DCDC1: variants seen among roughly 807,000 people sequenced by gnomAD.
DCDC1 encodes doublecortin domain containing 1.
In DCDC1, 200 loss-of-function variants were observed where a neutral mutation model predicts 178.3. That is an observed-to-expected ratio of 1.12 (90% CI 1.00 to 1.26). The LOEUF (loss-of-function observed/expected upper bound fraction) is 1.26, where lower values mean the gene tolerates loss of function less well. Ranked by LOEUF, DCDC1 falls within the 50% of genes most tolerant of loss-of-function variation. DCDC1 has a pLI of 0.00. For missense variants in DCDC1, 1,983 were observed against 1,749.2 expected (o/e 1.13, Z -2.38); for synonymous variants, 690 against 604.8 (o/e 1.14, Z -2.07).
chr11:31,216,939 T>C (rs527746218), intron 9 of DCDC1, among the ~76,000 whole-genome samples: 4 of 152,358 alleles, frequency 2.6e-5, no homozygotes, highest in Admixed American at 2.6e-4. Flanking sequence ...ATCTTTATTT[T>C]AAAAATTAAT....
At chr11:31,063,200 A>C (rs1457204029) in intron 20 of DCDC1, among the ~76,000 whole-genome samples, 1 of 152,064 alleles carries the variant, frequency 6.6e-6, no homozygotes, top group East Asian at 1.9e-4. Context: ...GTCAGGAAAC[A>C]ACAGGTGCTG....
In DCDC1 at chr11:31,144,221, G is replaced by A. The variant is rs565268260; in HGVS notation, c.1222-6437C>T. The stretch of plus-strand genomic sequence containing the variant: ...ACAATCTTGGCTCACTGCAACCTCC[G>A]CCTCCCAGGTTAAAGTGATTCTCCT... On this transcript the variant is annotated intron_variant, in intron 9 of 38. Coordinates refer to ENST00000684477, the MANE Select transcript of DCDC1 (RefSeq NM_001387274.1). Among the ~76,000 whole-genome samples, 269 of 151,996 alleles carry A rather than the reference G, an allele frequency of 1.8e-3. 1 individual carries two copies. Among genetic ancestry groups the A allele is most frequent in the South Asian group, 0.01 (50 of 4,802 alleles).
intron 9 of DCDC1, among the ~76,000 whole-genome samples, chr11:31,158,291 T>C (rs1365070009): frequency 6.6e-6 from 1 of 151,710 alleles, no homozygotes; most frequent in Non-Finnish European, 1.5e-5. Context: ...TGCATTTTTT[T>C]TTTTTTTAGT....
At chr11:30,916,415 T>C (rs1055415817) in intron 26 of DCDC1, among the ~76,000 whole-genome samples, 3 of 152,202 alleles carry the variant, frequency 2.0e-5, no homozygotes, top group African/African-American at 7.2e-5. Context: ...GTCTAAAGAT[T>C]ATGAAATAAT....
intron 7 of DCDC1, among the ~76,000 whole-genome samples, chr11:31,271,922 G>A (rs1313597236): frequency 2.0e-5 from 3 of 152,094 alleles, no homozygotes; most frequent in Admixed American, 6.5e-5. Context: ...CAGCATTTTG[G>A]GAGGCCAAGG....
chr11:31,138,179 A>G (rs1963390771), intron 9 of DCDC1, among the ~76,000 whole-genome samples: 1 of 152,206 alleles, frequency 6.6e-6, no homozygotes, highest in Admixed American at 6.5e-5. Flanking sequence ...TGTCGGGATA[A>G]GAAGTCAATG....
intron 20 of DCDC1, among the ~76,000 whole-genome samples, chr11:31,059,593 C>T (rs1955801422): frequency 6.6e-6 from 1 of 151,946 alleles, no homozygotes; most frequent in Admixed American, 6.6e-5. Flanking sequence ...ATTATATTAA[C>T]ATTTACCTTT....
chr11:31,063,726 T>G (rs1956091997), intron 20 of DCDC1, among the ~76,000 whole-genome samples: 1 of 152,016 alleles, frequency 6.6e-6, no homozygotes, highest in Non-Finnish European at 1.5e-5. Flanking sequence ...AATAAATAAA[T>G]TAATTAATTA....
At chr11:31,313,677 A>C (rs1480179187) in intron 3 of DCDC1, among the ~76,000 whole-genome samples, 1 of 152,138 alleles carries the variant, frequency 6.6e-6, no homozygotes, top group African/African-American at 2.4e-5. Flanking sequence ...ACTGATACTA[A>C]ATTTAATTTA....
At chr11:31,231,706 C>T (rs1288030705) in intron 9 of DCDC1, among the ~76,000 whole-genome samples, 1 of 150,644 alleles carries the variant, frequency 6.6e-6, no homozygotes, top group African/African-American at 2.4e-5. Flanking sequence ...GGAGGGAACA[C>T]AAAAAAAAAT....
At chr11:31,004,785 T>G (rs542735157) in intron 20 of DCDC1, among the ~76,000 whole-genome samples, 1 of 152,116 alleles carries the variant, frequency 6.6e-6, no homozygotes, top group Admixed American at 6.5e-5. Context: ...AGTTTCTTAA[T>G]TTCCCTGTGC....
intron 8 of DCDC1, among the ~76,000 whole-genome samples, chr11:31,247,189 T>A (rs1943624737): frequency 6.6e-6 from 1 of 152,054 alleles, no homozygotes; most frequent in South Asian, 2.1e-4. Context: ...TTTTAATTGC[T>A]GATGTGTGGA....
chr11:31,235,007 G>T (rs1237960788), intron 9 of DCDC1, among the ~76,000 whole-genome samples: 1 of 152,028 alleles, frequency 6.6e-6, no homozygotes, highest in Non-Finnish European at 1.5e-5. Flanking sequence ...ACTTTGCCTG[G>T]ACAATTCTAT....
chr11:31,254,231 T>C (rs935498331), intron 8 of DCDC1, among the ~76,000 whole-genome samples: 8 of 152,150 alleles, frequency 5.3e-5, no homozygotes, highest in South Asian at 4.1e-4. Flanking sequence ...GGGCATCCCA[T>C]GTGTCACTGA....
chr11:31,011,207 A>C (rs1019249361), intron 20 of DCDC1, among the ~76,000 whole-genome samples: 2 of 152,112 alleles, frequency 1.3e-5, no homozygotes, highest in African/African-American at 4.8e-5. Flanking sequence ...CACACACACA[A>C]AAGTCTATTC....
chr11:30,921,020 A>C, intron 24 of DCDC1, 85 bp from the exon 25 acceptor site: 3 of 1,359,748 alleles, frequency 2.2e-6, no homozygotes, highest in Non-Finnish European at 3.0e-6. Flanking sequence ...TAAAATACAA[A>C]TGCAAAATAA....
intron 37 of DCDC1, among the ~76,000 whole-genome samples, chr11:30,880,006 A>T (rs12799544): frequency 0.015 from 2,238 of 152,284 alleles, 24 homozygotes; most frequent in Non-Finnish European, 0.023. Context: ...ATTGTATTGT[A>T]ATTATTTCAC....
intron 8 of DCDC1, among the ~76,000 whole-genome samples, chr11:31,254,321 G>T (rs1944271233): frequency 6.6e-6 from 1 of 152,160 alleles, no homozygotes; most frequent in African/African-American, 2.4e-5. Context: ...GGGTGATTAA[G>T]TCGGATGACT....
intron 21 of DCDC1, among the ~76,000 whole-genome samples, chr11:30,948,225 G>A (rs770766471): frequency 7.9e-5 from 12 of 152,018 alleles, no homozygotes; most frequent in Non-Finnish European, 1.5e-4. Context: ...CAAGCAGAGA[G>A]CCAAATAATG....
Sources: gnomAD v4.1 joint callset for allele counts (sites outside exome capture counted in the v4.1 genomes callset) on GRCh38, gnomAD v4.1.1 for gene constraint, MANE v1.5 for transcripts, NCBI Gene and HGNC (gene_info 2026-07-23, HGNC 2026-07-21) for gene names.